CARF: variants seen among roughly 807,000 people sequenced by gnomAD.
CARF encodes calcium responsive transcription factor, also known as calcium-responsive transcription factor.
A neutral mutation model predicts 82.0 loss-of-function variants in CARF; 57 were observed. The ratio of observed to expected loss-of-function variants is 0.70; its 90% CI spans 0.56 to 0.87. The LOEUF is 0.87. Among genes scored for constraint, CARF ranks in the 40% least tolerant of loss-of-function variants. The pLI is 0.00. For synonymous variants in CARF, 268 were observed against 290.1 expected, an observed-to-expected ratio of 0.92 and a Z score of 0.77; for missense variants, 771 against 855.8, an observed-to-expected ratio of 0.90 and a Z score of 1.24.
At chr2:202,945,213 C>CAT (rs745974637) in intron 5 of CARF, among the ~76,000 whole-genome samples, 14 of 152,216 alleles carry the variant, frequency 9.2e-5, no homozygotes, top group Admixed American at 5.2e-4. Flanking sequence ...CACAGATTTT[C>CAT]ATATATATAT....
At chr2:202,955,892 T>C (rs2059013856) in intron 8 of CARF, 134 bp downstream of exon 8, 1 of 535,004 alleles carries the variant, frequency 1.9e-6, no homozygotes, top group Non-Finnish European at 3.2e-6. Context: ...TTAAATCTGA[T>C]CTCATCTATT....
At position 202,941,888 on chromosome 2, in the gene CARF, G is replaced by A. The variant is rs1308969851; in HGVS notation, c.-15G>A. 1.2e-6 allele frequency: 2 copies of A among 1,600,568 alleles called. No homozygotes were observed. The highest frequency in any genetic ancestry group is 1.7e-5 in the Admixed American group (1 of 59,628). ...TTAAATAATAGAAGAAAATGGAATT[G>A]AATATGATGTCAGCATGGAACAATC... On this transcript the variant is annotated 5_prime_UTR_variant, in exon 4 of 17. Transcript: ENST00000438828.
At chr2:202,950,619 A>G (rs2058711412) in intron 5 of CARF, among the ~76,000 whole-genome samples, 1 of 152,270 alleles carries the variant, frequency 6.6e-6, no homozygotes, top group East Asian at 1.9e-4. Flanking sequence ...AGTTTGAAGG[A>G]GTCAGATTGC....
At chr2:202,942,386 A>AG (rs2058272055) in intron 4 of CARF, 1 of 165,374 alleles carries the variant, frequency 6.0e-6, no homozygotes, top group African/African-American at 2.4e-5. Flanking sequence ...AAAAAAAAAA[A>AG]GAATTTTAAT....
At chr2:202,975,934 A>G (rs571676265) in intron 13 of CARF, among the ~76,000 whole-genome samples, 1 of 151,220 alleles carries the variant, frequency 6.6e-6, no homozygotes, top group East Asian at 2.0e-4. Context: ...AGTCCCAGCT[A>G]CTTGGCAGGC....
intron 9 of CARF, chr2:202,963,124 C>G (rs2059393314): frequency 6.6e-6 from 1 of 152,170 alleles, no homozygotes; most frequent in Non-Finnish European, 1.5e-5. Context: ...CGAGACCATC[C>G]TGGCTAACAC....
At chr2:202,974,760 G>C (rs192161046) in intron 13 of CARF, among the ~76,000 whole-genome samples, 2 of 152,144 alleles carry the variant, frequency 1.3e-5, no homozygotes, top group Non-Finnish European at 2.9e-5. Flanking sequence ...TTGGGTGGGC[G>C]TGATGGTGGG....
intron 3 of CARF, chr2:202,934,628 T>G (rs1693567976): frequency 1.3e-5 from 2 of 152,256 alleles, no homozygotes; most frequent in South Asian, 2.1e-4. Flanking sequence ...GGCTAATTTT[T>G]TGTGTGTGTA....
At chr2:202,972,306 C>T (rs1405420463) in intron 12 of CARF, among the ~76,000 whole-genome samples, 5 of 151,896 alleles carry the variant, frequency 3.3e-5, no homozygotes, top group African/African-American at 1.2e-4. Context: ...CTTACAATAG[C>T]ACTATTAAGT....
chr2:202,914,825 T>G (rs1689308542), intron 1 of CARF, among the ~76,000 whole-genome samples: 1 of 151,374 alleles, frequency 6.6e-6, no homozygotes, highest in Non-Finnish European at 1.5e-5. Context: ...GGTAAAAAGT[T>G]TGTGCAGAGT....
intron 2 of CARF, among the ~76,000 whole-genome samples, chr2:202,923,458 C>T (rs1691213675): frequency 6.6e-6 from 1 of 152,164 alleles, no homozygotes; most frequent in Non-Finnish European, 1.5e-5. Flanking sequence ...AACTACAAAA[C>T]ACTGCTGAAA....
At chr2:202,978,984 C>T (rs1185742139) in intron 14 of CARF, among the ~76,000 whole-genome samples, 5 of 152,234 alleles carry the variant, frequency 3.3e-5, no homozygotes, top group South Asian at 4.2e-4. Flanking sequence ...TAGCTGGGCA[C>T]GGTGGCTCAC....
chr2:202,956,936 G>T (rs1447936454), intron 8 of CARF, among the ~76,000 whole-genome samples: 1 of 151,928 alleles, frequency 6.6e-6, no homozygotes, highest in Non-Finnish European at 1.5e-5. Flanking sequence ...CTACTTGCGC[G>T]TGCCACCACG....
At chr2:202,953,498 G>GTTTTTTTTTTTTTT (rs67855316) in intron 6 of CARF, among the ~76,000 whole-genome samples, 6 of 70,294 alleles carry the variant, frequency 8.5e-5, no homozygotes, top group Non-Finnish European at 1.2e-4. Context: ...TTTTTTTGTT[G>GTTTTTTTTTTTTTT]TTTTTTTTTT....
At chr2:202,916,465 G>A (rs917812567) in intron 1 of CARF, among the ~76,000 whole-genome samples, 5 of 152,162 alleles carry the variant, frequency 3.3e-5, no homozygotes, top group African/African-American at 1.2e-4. Context: ...ACAGGTGTGA[G>A]CCACCAGCAT....
chr2:202,969,373 C>G (rs2059684326), intron 10 of CARF, among the ~76,000 whole-genome samples: 2 of 151,658 alleles, frequency 1.3e-5, no homozygotes, highest in African/African-American at 4.8e-5. Context: ...GTTGGGAGTT[C>G]CAGATCAGCC....
At chr2:202,964,885 A>G (rs571314945) in intron 9 of CARF, among the ~76,000 whole-genome samples, 30 of 134,542 alleles carry the variant, frequency 2.2e-4, no homozygotes, top group East Asian at 1.2e-3. Flanking sequence ...ATATATGTGT[A>G]TATATATATA....
At chr2:202,950,334 T>G (rs1428105930) in intron 5 of CARF, among the ~76,000 whole-genome samples, 1 of 152,190 alleles carries the variant, frequency 6.6e-6, no homozygotes, top group Non-Finnish European at 1.5e-5. Flanking sequence ...TTATAAAAAC[T>G]TATTTGTGTT....
intron 16 of CARF, 62 bp downstream of exon 16, chr2:202,982,503 T>C: frequency 6.5e-7 from 1 of 1,547,966 alleles, no homozygotes; most frequent in South Asian, 1.2e-5. Context: ...ATCACTATAT[T>C]ATACTATAGA....
Sources: allele counts gnomAD v4.1 joint callset (sites outside exome capture counted in the v4.1 genomes callset), GRCh38; gene constraint gnomAD v4.1.1; transcripts MANE v1.5; gene names NCBI Gene and HGNC (gene_info 2026-07-23, HGNC 2026-07-21).